Variants in UNC13C observed in about 807,000 individuals in gnomAD.
The protein encoded by UNC13C is unc-13 homolog C.
In UNC13C, 174 loss-of-function variants were observed where a neutral mutation model predicts 245.4. The observed-to-expected ratio is 0.71, with a 90% CI of 0.63 to 0.80. The LOEUF is 0.80. Ranked by LOEUF, UNC13C falls within the 30% of genes least tolerant of loss-of-function variation. The probability of loss-of-function intolerance (pLI) is 0.00; values close to 1 mark genes in which losing one functional copy is unlikely to be tolerated. For missense variants in UNC13C, 2,829 were observed against 2,602.9 expected (o/e 1.09, Z -1.89); for synonymous variants, 992 against 895.1 (o/e 1.11, Z -1.93).
chr15:54,422,175 C>G (rs1246617668), intron 19 of UNC13C, among the ~76,000 whole-genome samples: 1 of 151,926 alleles, frequency 6.6e-6, no homozygotes, highest in Non-Finnish European at 1.5e-5. Flanking sequence ...TTCTCTTGCT[C>G]TACCACCATC....
chr15:54,129,625 T>C (rs2031282059), intron 2 of UNC13C, among the ~76,000 whole-genome samples: 1 of 151,902 alleles, frequency 6.6e-6, no homozygotes, highest in South Asian at 2.1e-4. Context: ...AGAAAATTTT[T>C]ATTTTGATAG....
At chr15:53,862,255 C>T in the UNC13C span, among the ~76,000 whole-genome samples, 1 of 152,066 alleles carries the variant, frequency 6.6e-6, no homozygotes, top group Non-Finnish European at 1.5e-5. Flanking sequence ...AGACTTGGAA[C>T]AAGGGTGTTT....
intron 18 of UNC13C, among the ~76,000 whole-genome samples, chr15:54,401,239 A>G (rs2040176450): frequency 6.6e-6 from 1 of 152,040 alleles, no homozygotes; most frequent in Admixed American, 6.6e-5. Flanking sequence ...TTTCAATTTA[A>G]TAAATATGTA....
chr15:54,166,226 C>T (rs1450645246), intron 4 of UNC13C, among the ~76,000 whole-genome samples: 1 of 151,940 alleles, frequency 6.6e-6, no homozygotes, highest in Non-Finnish European at 1.5e-5. Flanking sequence ...CTATTCCCAA[C>T]AGAAAAATTA....
rs56118964 is a variant in UNC13C, at chr15:54,607,901, A to G, written c.6107-14426A>G. Among the ~76,000 whole-genome samples, 1,342 of 152,268 alleles carry G rather than the reference A, an allele frequency of 8.8e-3. 21 individuals carry two copies. The highest frequency in any genetic ancestry group is 0.031 in the African/African-American group (1,290 of 41,540). On this transcript the variant is annotated intron_variant, in intron 30 of 32. Transcript: ENST00000260323. ...ACTGGGGATTACAATTCAACATAAG[A>G]TTTGGGTGGGGACACAGAACCAAAC...
At chr15:54,497,567 A>G (rs1894012103) in intron 20 of UNC13C, among the ~76,000 whole-genome samples, 1 of 152,058 alleles carries the variant, frequency 6.6e-6, no homozygotes, top group African/African-American at 2.4e-5. Context: ...TTGGGGCAGA[A>G]GAAAATCAAG....
intron 4 of UNC13C, among the ~76,000 whole-genome samples, chr15:54,171,851 C>G (rs1025514037): frequency 3.9e-5 from 6 of 152,016 alleles, no homozygotes; most frequent in African/African-American, 1.4e-4. Context: ...TTGGAAGCAA[C>G]CTAAGTGTCC....
chr15:54,606,759 C>A (rs1566936134), intron 30 of UNC13C, among the ~76,000 whole-genome samples: 1 of 152,198 alleles, frequency 6.6e-6, no homozygotes, highest in Non-Finnish European at 1.5e-5. Context: ...GAGCATCTGA[C>A]CCTACAGCCT....
chr15:54,334,890 C>G (rs2038533079), intron 16 of UNC13C, among the ~76,000 whole-genome samples: 1 of 151,974 alleles, frequency 6.6e-6, no homozygotes, highest in African/African-American at 2.4e-5. Context: ...TCTACCATGC[C>G]TCCTTGTTTA....
chr15:53,883,344 T>G, the UNC13C span, among the ~76,000 whole-genome samples: 147 of 152,340 alleles, frequency 9.6e-4, no homozygotes, highest in African/African-American at 3.4e-3. Context: ...CTGTTTGCTT[T>G]GAAATATTTC....
At chr15:54,070,646 C>T (rs551084663) in intron 2 of UNC13C, among the ~76,000 whole-genome samples, 1 of 152,182 alleles carries the variant, frequency 6.6e-6, no homozygotes, top group East Asian at 1.9e-4. Context: ...TTTCAGGATA[C>T]TTGGACCATG....
At chr15:54,614,276 A>ACCCACATC (rs1273690408) in intron 30 of UNC13C, among the ~76,000 whole-genome samples, 8 of 151,974 alleles carry the variant, frequency 5.3e-5, no homozygotes, top group Admixed American at 5.3e-4. Context: ...CGTTGCTAAT[A>ACCCACATC]CCCACATCCC....
chr15:54,023,760 T>A (rs1441955517), intron 2 of UNC13C, among the ~76,000 whole-genome samples: 1 of 152,186 alleles, frequency 6.6e-6, no homozygotes, highest in Non-Finnish European at 1.5e-5. Context: ...ATGGTGCATT[T>A]TTTGAGGAAA....
At chr15:54,055,235 G>A (rs1299066458) in intron 2 of UNC13C, among the ~76,000 whole-genome samples, 2 of 152,096 alleles carry the variant, frequency 1.3e-5, no homozygotes, top group Non-Finnish European at 2.9e-5. Flanking sequence ...GAAAAATCAT[G>A]CTTATGCATT....
chr15:54,344,948 C>CATAAAATTTTTTTA (rs769876110), intron 17 of UNC13C, among the ~76,000 whole-genome samples: 9,763 of 152,086 alleles, frequency 0.064, 386 homozygotes, highest in Admixed American at 0.11. Context: ...ACAGAGCAGC[C>CATAAAATTTTTTTA]AGAATTATTT....
chr15:54,051,557 C>A (rs1231514149), intron 2 of UNC13C, among the ~76,000 whole-genome samples: 5 of 152,088 alleles, frequency 3.3e-5, no homozygotes, highest in African/African-American at 1.2e-4. Flanking sequence ...ACACTAGCTG[C>A]TGATCAGATA....
chr15:53,950,563 T>C, the UNC13C span, among the ~76,000 whole-genome samples: 3 of 152,224 alleles, frequency 2.0e-5, no homozygotes, highest in South Asian at 6.2e-4. Flanking sequence ...AGCTGGGAAA[T>C]CAAAGGTGTC....
At chr15:54,108,476 C>T (rs539144044) in intron 2 of UNC13C, among the ~76,000 whole-genome samples, 6 of 152,256 alleles carry the variant, frequency 3.9e-5, no homozygotes, top group South Asian at 4.1e-4. Flanking sequence ...CTTGAGCCAC[C>T]GTGCCTGGCC....
intron 19 of UNC13C, among the ~76,000 whole-genome samples, chr15:54,458,745 A>G (rs1408655582): frequency 1.8e-5 from 2 of 114,250 alleles, no homozygotes; most frequent in African/African-American, 6.9e-5. Flanking sequence ...TTCCATTTCC[A>G]TGGAATATCT....
Sources: gnomAD v4.1 joint callset for allele counts (sites outside exome capture counted in the v4.1 genomes callset) on GRCh38, gnomAD v4.1.1 for gene constraint, MANE v1.5 for transcripts, NCBI Gene and HGNC (gene_info 2026-07-23, HGNC 2026-07-21) for gene names.